Variants in CCDC73 observed in about 807,000 individuals in gnomAD.
The protein encoded by CCDC73 is coiled-coil domain containing 73.
A neutral mutation model predicts 116.5 loss-of-function variants in CCDC73; 95 were observed. That is an observed-to-expected ratio of 0.82 (90% confidence interval 0.69 to 0.97). The LOEUF (loss-of-function observed/expected upper bound fraction) is 0.97, where lower values mean the gene tolerates loss of function less well. Ranked by LOEUF, CCDC73 falls within the 50% of genes least tolerant of loss-of-function variation. The pLI, the probability that CCDC73 is intolerant of heterozygous loss-of-function variation, is 0.00. For missense variants in CCDC73, 1,066 were observed against 1,206.8 expected (o/e 0.88, Z 1.73); for synonymous variants, 398 against 401.3 (o/e 0.99, Z 0.10).
At chr11:32,727,696 T>C (rs1325236402) in intron 2 of CCDC73, among the ~76,000 whole-genome samples, 1 of 152,056 alleles carries the variant, frequency 6.6e-6, no homozygotes, top group Non-Finnish European at 1.5e-5. Context: ...CTCAGCCTCC[T>C]GTGTAGCTGG....
At chr11:32,638,530 G>A (rs1855702154) in intron 13 of CCDC73, among the ~76,000 whole-genome samples, 1 of 151,888 alleles carries the variant, frequency 6.6e-6, no homozygotes, top group Non-Finnish European at 1.5e-5. Context: ...CGCCAGGCTG[G>A]AGCACAGTGG....
chr11:32,819,741 G>A, the CCDC73 span, among the ~76,000 whole-genome samples: 2 of 152,142 alleles, frequency 1.3e-5, no homozygotes, highest in African/African-American at 2.4e-5. Flanking sequence ...GATTACAGGC[G>A]TGAGCCACTA....
chr11:32,627,761 A>G (rs891620113), intron 14 of CCDC73, among the ~76,000 whole-genome samples: 2 of 152,200 alleles, frequency 1.3e-5, no homozygotes, highest in Admixed American at 6.5e-5. Flanking sequence ...ATAGGTGGGA[A>G]TTGAACAATG....
At chr11:32,761,249 TTGTTACA>T (rs989989655) in intron 1 of CCDC73, among the ~76,000 whole-genome samples, 14 of 152,180 alleles carry the variant, frequency 9.2e-5, no homozygotes, top group African/African-American at 3.4e-4. Flanking sequence ...TTCATCCAGA[TTGTTACA>T]TGTATCAGTA....
the CCDC73 span, among the ~76,000 whole-genome samples, chr11:32,809,832 T>C: frequency 6.6e-6 from 1 of 152,244 alleles, no homozygotes; most frequent in Non-Finnish European, 1.5e-5. Context: ...CATTGATATG[T>C]TGTAAAGATA....
chr11:32,760,291 A>G (rs1364966712), intron 1 of CCDC73, 33 bp from the exon 2 acceptor site: 17 of 1,266,248 alleles, frequency 1.3e-5, no homozygotes, highest in African/African-American at 3.1e-5. Flanking sequence ...CTGAAAAAAA[A>G]TTATCTAGGT....
At chr11:32,791,358 C>T (rs1161656447) in intron 1 of CCDC73, among the ~76,000 whole-genome samples, 1 of 152,200 alleles carries the variant, frequency 6.6e-6, no homozygotes, top group Non-Finnish European at 1.5e-5. Flanking sequence ...CCACAAGATA[C>T]ATTTCTAAAA....
At chr11:32,705,089 C>T (rs1849844480) in intron 3 of CCDC73, among the ~76,000 whole-genome samples, 1 of 152,232 alleles carries the variant, frequency 6.6e-6, no homozygotes, top group African/African-American at 2.4e-5. Flanking sequence ...ATAGCTCTCC[C>T]AGCCTCTGCC....
At chr11:32,680,664 C>T (rs1856135326) in intron 7 of CCDC73, 1 of 152,040 alleles carries the variant, frequency 6.6e-6, no homozygotes, top group Non-Finnish European at 1.5e-5. Context: ...ACATTTCTCC[C>T]TTTTCCTATT....
In CCDC73 at chr11:32,706,228, T is replaced by A. The variant is rs926939; in HGVS notation, c.208-3284A>T. On this transcript the variant is annotated intron_variant, in intron 3 of 17. Transcript: ENST00000335185. ...GGAAAGAATGAGTCCACTGGAGACT[T>A]CAGGGATAGGTTCCTTGAGGAGTAG... Among the ~76,000 whole-genome samples, 5 of 152,272 alleles carry A rather than the reference T, an allele frequency of 3.3e-5. No homozygotes were observed. The South Asian group carries it at 1.0e-3, about 32-fold the overall frequency.
chr11:32,661,737 G>A (rs1382134095), intron 9 of CCDC73, among the ~76,000 whole-genome samples: 6 of 151,270 alleles, frequency 4.0e-5, no homozygotes, highest in Admixed American at 6.6e-5. Context: ...ACAATGTGCA[G>A]GTCTGTTACA....
intron 13 of CCDC73, among the ~76,000 whole-genome samples, chr11:32,639,995 A>G (rs1855718314): frequency 6.6e-6 from 1 of 152,206 alleles, no homozygotes; most frequent in South Asian, 2.1e-4. Context: ...AGCAGTTTAC[A>G]TGATTCCAAT....
intron 6 of CCDC73, among the ~76,000 whole-genome samples, chr11:32,685,245 A>AT (rs1283634217): frequency 1.5e-5 from 2 of 132,582 alleles, no homozygotes; most frequent in Non-Finnish European, 3.1e-5. Context: ...TGATATAGAC[A>AT]TTGGGGGTAC....
At chr11:32,813,630 G>A in the CCDC73 span, among the ~76,000 whole-genome samples, 40 of 152,080 alleles carry the variant, frequency 2.6e-4, no homozygotes. Flanking sequence ...TTCCCATATG[G>A]ATAACAAATT....
chr11:32,767,286 G>A (rs1418513573), intron 1 of CCDC73, among the ~76,000 whole-genome samples: 1 of 152,124 alleles, frequency 6.6e-6, no homozygotes, highest in African/African-American at 2.4e-5. Context: ...AACTGAAACT[G>A]GATCCCTTCC....
chr11:32,711,590 T>C lies in CCDC73; in HGVS notation c.207+6486A>G, dbSNP rs117572866. On this transcript the variant is annotated intron_variant, in intron 3 of 17. Transcript: ENST00000335185. ...CACACAAAGGCCTAAGAATAATACA[T>C]TGGACTTTGGGGAATCAGGCAAAAG... 4.6e-5 allele frequency among the ~76,000 whole-genome samples: 7 copies of C among 152,120 alleles called. No homozygotes were observed. In the East Asian group the frequency reaches 1.4e-3, roughly 29 times the overall value.
At chr11:32,748,684 A>G (rs865848726) in intron 2 of CCDC73, among the ~76,000 whole-genome samples, 1 of 152,212 alleles carries the variant, frequency 6.6e-6, no homozygotes. Context: ...TCACTGATTA[A>G]CATCCTTTTC....
At chr11:32,765,860 C>A (rs1174801989) in intron 1 of CCDC73, among the ~76,000 whole-genome samples, 2 of 152,180 alleles carry the variant, frequency 1.3e-5, no homozygotes. Flanking sequence ...GGATTCACAG[C>A]CGAATTCTAC....
At position 32,709,930 on chromosome 11, in the gene CCDC73, G is replaced by A. The variant is rs181335891; in HGVS notation, c.208-6986C>T. 2.2e-4 allele frequency among the ~76,000 whole-genome samples: 33 copies of A among 152,224 alleles called. 1 individual carries two copies. The highest frequency in any genetic ancestry group is 7.5e-4 in the African/African-American group (31 of 41,546). ...TTCTATATCTTCCTGGTTTAATCTA[G>A]CAGGTTTGTATATTTCCAGGAATTT... On this transcript the variant is annotated intron_variant, in intron 3 of 17. Transcript: ENST00000335185.
Sources: allele counts gnomAD v4.1 joint callset (sites outside exome capture counted in the v4.1 genomes callset), GRCh38; gene constraint gnomAD v4.1.1; transcripts MANE v1.5; gene names NCBI Gene and HGNC (gene_info 2026-07-23, HGNC 2026-07-21).